ACVR2A: variants seen among roughly 807,000 people sequenced by gnomAD.
ACVR2A encodes the protein activin receptor type-2A.
A neutral mutation model predicts 61.4 loss-of-function variants in ACVR2A; 7 were observed. The ratio of observed to expected loss-of-function variants is 0.11; its 90% confidence interval spans 0.06 to 0.21. The LOEUF is 0.21. Among genes scored for constraint, ACVR2A ranks in the 10% least tolerant of loss-of-function variants. ACVR2A has a pLI of 1.00. For synonymous variants in ACVR2A, 193 were observed against 208.3 expected (o/e 0.93, Z 0.63); for missense variants, 322 against 621.7 (o/e 0.52, Z 5.13).
rs1686825022 is a variant in ACVR2A at position 147,899,610 on chromosome 2, T to C, written c.373+43T>C. 5 of 1,592,070 alleles carry C rather than the reference T, an allele frequency of 3.1e-6. No individual in the cohort carries two copies. The African/African-American group carries it at 4.0e-5, about 13-fold the overall frequency. ...ATACGTAGGTTTGCTCAACTGTAGATTGGAAACAAAATATATTTGTGTTGA... is the reference window on the plus strand; with the variant it reads ...ATACGTAGGTTTGCTCAACTGTAGACTGGAAACAAAATATATTTGTGTTGA... On this transcript the variant is annotated intron_variant, in intron 3 of 10. Transcript: ENST00000241416.
intron 1 of ACVR2A, among the ~76,000 whole-genome samples, chr2:147,892,699 ATTGTATCT>A (rs1686617627): frequency 6.6e-6 from 1 of 151,878 alleles, no homozygotes; most frequent in Non-Finnish European, 1.5e-5. Flanking sequence ...AAACTGGATT[ATTGTATCT>A]GTTTCTCCGT....
intron 4 of ACVR2A, among the ~76,000 whole-genome samples, chr2:147,904,674 A>T (rs1020680589): frequency 6.6e-6 from 1 of 152,012 alleles, no homozygotes; most frequent in Admixed American, 6.6e-5. Flanking sequence ...TTGTCATTTC[A>T]TGCTATGTCA....
intron 3 of ACVR2A, 48 bp from the exon 4 acceptor site, chr2:147,899,696 G>T: frequency 6.2e-7 from 1 of 1,602,374 alleles, no homozygotes; most frequent in South Asian, 1.1e-5. Context: ...ATTTATTATA[G>T]AATTTTGTAG....
rs1051029306 is a variant in ACVR2A, at chr2:147,887,503, C to T, written c.56-8798C>T. Among the ~76,000 whole-genome samples the T allele has an allele frequency of 2.0e-5, 3 of 152,146 alleles. No individual in the cohort carries two copies. The East Asian group carries it at 5.8e-4, about 29-fold the overall frequency. ...ATTCCATTCTATCACCACCTTCTAT[C>T]TTCTTTCTAAATAAAGACGTGTCAG... On this transcript the variant is annotated intron_variant, in intron 1 of 10. Transcript: ENST00000241416.
At chr2:147,910,396 G>C (rs1687085657) in intron 4 of ACVR2A, among the ~76,000 whole-genome samples, 1 of 152,046 alleles carries the variant, frequency 6.6e-6, no homozygotes, top group African/African-American at 2.4e-5. Flanking sequence ...TATTCAGTTG[G>C]CATGTATTTC....
chr2:147,871,963 G>A (rs1686030294), intron 1 of ACVR2A, among the ~76,000 whole-genome samples: 1 of 152,020 alleles, frequency 6.6e-6, no homozygotes, highest in African/African-American at 2.4e-5. Context: ...TTTGTTGAAT[G>A]CCTACCGTAT....
chr2:147,916,428 C>CATAT (rs1292783634), intron 5 of ACVR2A, among the ~76,000 whole-genome samples: 1 of 151,868 alleles, frequency 6.6e-6, no homozygotes, highest in African/African-American at 2.4e-5. Context: ...GGGTGTTTTA[C>CATAT]ATATATGAGT....
upstream of ACVR2A, chr2:147,844,945 T>G: frequency 4.1e-6 from 2 of 493,402 alleles, no homozygotes; most frequent in Non-Finnish European, 7.0e-6. Context: ...CGTGGTGCAT[T>G]TTATTTTTTA....
chr2:147,912,314 C>T (rs1161404526), intron 4 of ACVR2A, among the ~76,000 whole-genome samples: 4 of 151,906 alleles, frequency 2.6e-5, no homozygotes, highest in Non-Finnish European at 4.4e-5. Context: ...GAAATGTAAT[C>T]AGAACTGTGT....
rs778653376 is a variant in ACVR2A at position 147,876,649 on chromosome 2, C to T, written c.56-19652C>T. On this transcript the variant is annotated intron_variant, in intron 1 of 10. Transcript: ENST00000241416. ...CCTGTAGATATGTAAGTTCCTCTTG[C>T]GCTTTCATTGCAGTTGTTTCCTCTT... 1.1e-4 allele frequency among the ~76,000 whole-genome samples: 17 copies of T among 152,244 alleles called. No individual in the cohort carries two copies. The South Asian group carries it at 1.2e-3, about 11-fold the overall frequency.
chr2:147,912,855 C>CTT (rs1157737812), intron 4 of ACVR2A, among the ~76,000 whole-genome samples: 1 of 151,764 alleles, frequency 6.6e-6, no homozygotes, highest in Admixed American at 6.6e-5. Flanking sequence ...CCTTGTAGAC[C>CTT]TTTTTGTCAC....
At chr2:147,868,818 A>G (rs1685940955) in intron 1 of ACVR2A, among the ~76,000 whole-genome samples, 1 of 151,746 alleles carries the variant, frequency 6.6e-6, no homozygotes, top group Non-Finnish European at 1.5e-5. Flanking sequence ...TTTTTGTAGA[A>G]ATAGGGATCT....
intron 1 of ACVR2A, among the ~76,000 whole-genome samples, chr2:147,847,385 C>A (rs932938607): frequency 6.6e-6 from 1 of 152,140 alleles, no homozygotes; most frequent in African/African-American, 2.4e-5. Context: ...TTATGTTTCT[C>A]CAACTAATTG....
At chr2:147,896,223 C>T in intron 1 of ACVR2A, 78 bp from the exon 2 acceptor site, 1 of 1,332,038 alleles carries the variant, frequency 7.5e-7, no homozygotes, top group Non-Finnish European at 1.0e-6. Context: ...TTAGGAATAC[C>T]TAAAGTTGCT....
In ACVR2A at chr2:147,845,047, G is replaced by A; in HGVS notation, c.-106G>A. 3.7e-6 allele frequency: 1 copy of A among 270,280 alleles called. No homozygotes were observed. The highest frequency in any genetic ancestry group is 7.4e-6 in the Non-Finnish European group (1 of 135,828). The allele number at this position is 270,280 out of a possible 1,614,324, so 16.7% of individuals were successfully genotyped here. On this transcript the variant is annotated 5_prime_UTR_variant, in exon 1 of 11. The change abolishes an upstream ATG in the 5' untranslated region. Transcript: ENST00000241416. ...TTTTTTGGTCTGGGCTTCCGAATATGTTTTATGACGGTTGATTTTACACCA... is the reference window on the plus strand; with the variant it reads ...TTTTTTGGTCTGGGCTTCCGAATATATTTTATGACGGTTGATTTTACACCA...
intron 4 of ACVR2A, among the ~76,000 whole-genome samples, chr2:147,906,818 A>ATTTTTTT (rs369876665): frequency 8.1e-5 from 10 of 123,412 alleles, no homozygotes; most frequent in African/African-American, 8.9e-5. Flanking sequence ...TATCAAGTCC[A>ATTTTTTT]TTTTTTTTTT....
chr2:147,867,886 T>C lies in ACVR2A; in HGVS notation c.55+22679T>C, dbSNP rs182514471. On this transcript the variant is annotated intron_variant, in intron 1 of 10. Transcript: ENST00000241416. ...GAAGACTTCTGATCTTTACTACCCT[T>C]GTGCCTTGTGCCTCTACACTCCGCT... is the stretch of plus-strand genomic sequence containing the variant. Among the ~76,000 whole-genome samples the C allele has an allele frequency of 2.6e-3, 401 of 152,272 alleles. 2 individuals carry two copies. The highest frequency in any genetic ancestry group is 4.4e-3 in the Admixed American group (68 of 15,292).
At chr2:147,869,496 A>G (rs1685958046) in intron 1 of ACVR2A, among the ~76,000 whole-genome samples, 1 of 152,202 alleles carries the variant, frequency 6.6e-6, no homozygotes, top group South Asian at 2.1e-4. Context: ...GGAAACTGTT[A>G]GACAAGATTA....
At chr2:147,905,745 C>CA (rs1017478179) in intron 4 of ACVR2A, among the ~76,000 whole-genome samples, 2 of 151,190 alleles carry the variant, frequency 1.3e-5, no homozygotes, top group African/African-American at 2.4e-5. Context: ...TGCAGGTTGA[C>CA]AAAAAAAATT....
Sources: gnomAD v4.1 joint callset for allele counts (sites outside exome capture counted in the v4.1 genomes callset) on GRCh38, gnomAD v4.1.1 for gene constraint, MANE v1.5 for transcripts, NCBI Gene and HGNC (gene_info 2026-07-23, HGNC 2026-07-21) for gene names.